Variants in CFAP52 observed in about 807,000 individuals in gnomAD.
CFAP52 encodes the protein cilia and flagella associated protein 52, also known as cilia- and flagella-associated protein 52.
A neutral mutation model predicts 70.5 loss-of-function variants in CFAP52; 57 were observed. The observed-to-expected ratio is 0.81, with a 90% confidence interval of 0.65 to 1.01. CFAP52 has a LOEUF of 1.01. Ranked by LOEUF, CFAP52 falls within the 50% of genes least tolerant of loss-of-function variation. The pLI, the probability that CFAP52 is intolerant of heterozygous loss-of-function variation, is 0.00. For synonymous variants in CFAP52, 267 were observed against 292.5 expected (o/e 0.91, Z 0.89); for missense variants, 785 against 788.5 (o/e 1.00, Z 0.05).
At chr17:9,610,590 A>G (rs1909676526) in intron 7 of CFAP52, among the ~76,000 whole-genome samples, 1 of 152,026 alleles carries the variant, frequency 6.6e-6, no homozygotes, top group Non-Finnish European at 1.5e-5. Context: ...GCTGGAGTGC[A>G]ATGACGCCAT....
chr17:9,614,311 G>A (rs192449791), intron 8 of CFAP52, among the ~76,000 whole-genome samples: 3 of 151,738 alleles, frequency 2.0e-5, no homozygotes, highest in African/African-American at 7.2e-5. Flanking sequence ...ATGTGCCACC[G>A]CGCCCAGCTA....
chr17:9,641,680 C>A, intron 12 of CFAP52, 44 bp from the exon 13 acceptor site: 1 of 1,465,150 alleles, frequency 6.8e-7, no homozygotes. Flanking sequence ...ATGGATGACT[C>A]TCCTGAGCTG....
chr17:9,588,579 G>A (rs1341564671), intron 3 of CFAP52, among the ~76,000 whole-genome samples: 3 of 152,132 alleles, frequency 2.0e-5, no homozygotes, highest in Non-Finnish European at 2.9e-5. Flanking sequence ...CACTCACCTC[G>A]GACTTCAGCA....
chr17:9,630,052 C>T (rs139087892), intron 9 of CFAP52, among the ~76,000 whole-genome samples: 74 of 152,004 alleles, frequency 4.9e-4, no homozygotes, highest in African/African-American at 1.7e-3. Context: ...ACTGCCTCCC[C>T]TTTTTCTCTT....
intron 6 of CFAP52, among the ~76,000 whole-genome samples, chr17:9,601,084 A>G (rs1229069580): frequency 2.6e-5 from 4 of 151,984 alleles, no homozygotes; most frequent in South Asian, 2.1e-4. Flanking sequence ...ATGCAGCCAT[A>G]AAAAAGGATG....
intron 6 of CFAP52, among the ~76,000 whole-genome samples, chr17:9,606,026 A>G (rs567019245): frequency 1.3e-5 from 2 of 152,162 alleles, no homozygotes; most frequent in South Asian, 4.2e-4. Flanking sequence ...AATCTCAAAT[A>G]CTTGTATCTT....
intron 6 of CFAP52, among the ~76,000 whole-genome samples, chr17:9,600,498 C>A (rs191164063): frequency 1.4e-3 from 214 of 152,298 alleles, no homozygotes; most frequent in Non-Finnish European, 2.5e-3. Context: ...CCACCTTGGC[C>A]TCTCAAAGTG....
intron 6 of CFAP52, among the ~76,000 whole-genome samples, chr17:9,602,939 G>C (rs1310064565): frequency 1.3e-5 from 2 of 152,116 alleles, no homozygotes; most frequent in Non-Finnish European, 2.9e-5. Context: ...TGTTCATATA[G>C]GATAGGAATT....
At chr17:9,586,585 A>AG in intron 2 of CFAP52, 113 bp from the exon 3 acceptor site, 1 of 1,228,092 alleles carries the variant, frequency 8.1e-7, no homozygotes, top group Non-Finnish European at 1.1e-6. Flanking sequence ...AAAAAAAAAA[A>AG]GAAAGAAAAA....
intron 7 of CFAP52, among the ~76,000 whole-genome samples, chr17:9,611,380 A>T (rs1028109838): frequency 4.6e-5 from 7 of 151,852 alleles, no homozygotes; most frequent in Non-Finnish European, 7.4e-5. Flanking sequence ...TTTGAGACAG[A>T]GTCTCACTCT....
At chr17:9,645,521 C>G (rs1911302933), downstream of CFAP52, 2 of 1,036,230 alleles carry the variant, frequency 1.9e-6, no homozygotes, top group South Asian at 9.6e-5. The surrounding 1 kb of genome is among the most constrained non-coding windows in gnomAD (Gnocchi z 6.8). Context: ...CCCCGCACAC[C>G]TGGCCCGCAG....
chr17:9,585,007 T>G (rs981075007), intron 1 of CFAP52, among the ~76,000 whole-genome samples: 7 of 152,176 alleles, frequency 4.6e-5, no homozygotes, highest in Non-Finnish European at 8.8e-5. Context: ...ATATTATGCT[T>G]TGTGAAGTAA....
chr17:9,605,304 GA>G (rs1909439095), intron 6 of CFAP52, among the ~76,000 whole-genome samples: 1 of 152,110 alleles, frequency 6.6e-6, no homozygotes, highest in Non-Finnish European at 1.5e-5. Flanking sequence ...GACTTTATAG[GA>G]AAAGAAGGAA....
intron 8 of CFAP52, among the ~76,000 whole-genome samples, chr17:9,627,186 T>C (rs1050141180): frequency 2.6e-5 from 4 of 151,710 alleles, no homozygotes; most frequent in African/African-American, 7.3e-5. Context: ...TCTGGCACCA[T>C]TGTCTTTTCC....
chr17:9,614,159 T>C (rs1211340317), intron 8 of CFAP52, among the ~76,000 whole-genome samples: 1 of 2,636 alleles, frequency 3.8e-4, no homozygotes, highest in East Asian at 0.011. Flanking sequence ...CTTTCTTTCT[T>C]TTTTTTTTTT....
At chr17:9,580,734 C>T (rs1166916098) in intron 1 of CFAP52, among the ~76,000 whole-genome samples, 4 of 139,604 alleles carry the variant, frequency 2.9e-5, no homozygotes, top group Non-Finnish European at 4.6e-5. Flanking sequence ...GTTTTTGCTT[C>T]TCAAACTGGC....
chr17:9,577,706 T>C (rs1238822406), intron 1 of CFAP52, among the ~76,000 whole-genome samples: 1 of 152,106 alleles, frequency 6.6e-6, no homozygotes, highest in Non-Finnish European at 1.5e-5. Context: ...ATCTTGAGAG[T>C]TGGTTACAAG....
intron 1 of CFAP52, among the ~76,000 whole-genome samples, chr17:9,585,149 T>C (rs1211080059): frequency 6.6e-6 from 1 of 152,310 alleles, no homozygotes; most frequent in East Asian, 1.9e-4. Context: ...TTACGAGAAT[T>C]GGCCGTAGGA....
At chr17:9,645,518 C>A, downstream of CFAP52, 1 of 1,025,144 alleles carries the variant, frequency 9.8e-7, no homozygotes. This position sits in a 1 kb window ranked among gnomAD's most constrained non-coding sequence, Gnocchi z 6.8. Flanking sequence ...CGTCCCCGCA[C>A]ACCTGGCCCG....
Sources: allele counts gnomAD v4.1 joint callset (sites outside exome capture counted in the v4.1 genomes callset), GRCh38; gene constraint gnomAD v4.1.1; non-coding constraint Gnocchi (gnomAD v3.1); transcripts MANE v1.5; gene names NCBI Gene and HGNC (gene_info 2026-07-23, HGNC 2026-07-21).